VILL: variants seen among roughly 807,000 people sequenced by gnomAD.
VILL encodes villin like.
In VILL, 102 loss-of-function variants were observed where a neutral mutation model predicts 106.3. The ratio of observed to expected loss-of-function variants is 0.96; its 90% CI spans 0.82 to 1.13. The LOEUF (loss-of-function observed/expected upper bound fraction) is 1.13, where lower values mean the gene tolerates loss of function less well. Ranked by LOEUF, VILL falls within the 50% of genes most tolerant of loss-of-function variation. The pLI, the probability that VILL is intolerant of heterozygous loss-of-function variation, is 0.00. For synonymous variants in VILL, 431 were observed against 440.3 expected, an observed-to-expected ratio of 0.98 and a Z score of 0.27; for missense variants, 1,076 against 1,116.6, an observed-to-expected ratio of 0.96 and a Z score of 0.52.
intron 4 of VILL, among the ~76,000 whole-genome samples, chr3:37,995,348 C>G (rs1011258446): frequency 2.6e-5 from 4 of 152,252 alleles, no homozygotes; most frequent in Non-Finnish European, 5.9e-5. Flanking sequence ...ACACACCACC[C>G]TCATGTATGT....
chr3:37,999,413 G>T lies in VILL; in HGVS notation c.1156G>T (p.Val386Leu). 6.7e-7 allele frequency: 1 copy of T among 1,490,836 alleles called. No individual in the cohort carries two copies. Among genetic ancestry groups the T allele is most frequent in the Non-Finnish European group, 8.9e-7 (1 of 1,123,726 alleles). 92.4% of individuals were successfully genotyped at this position (1,490,836 alleles called of 1,614,324 possible). A position where few individuals can be genotyped will look rare whatever the true frequency, so the allele number is the denominator to read the frequency against. Residue 386 changes from valine (V) to leucine (L), a missense_variant, in exon 11 of 20, where the codon GTG becomes TTG. Coordinates refer to ENST00000383759, the MANE Select transcript of VILL (RefSeq NM_015873.4). Reference sequence around the variant, plus strand: ...TAAGTTAGCGGCCCAGCTCAGGATGGTGGACGACGGCTCTGGGAAGGTGGA... The same window carrying T: ...TAAGTTAGCGGCCCAGCTCAGGATGTTGGACGACGGCTCTGGGAAGGTGGA... ...QPKLAAQLRMVDDGSGKVEVW... is the reference protein window; with the variant it reads ...QPKLAAQLRMLDDGSGKVEVW...
Position 37,995,753 on chromosome 3 carries a change from G to T in VILL, c.356G>T (p.Gly119Val). The T allele has an allele frequency of 6.2e-7, 1 of 1,613,782 alleles. No homozygotes were observed. The highest frequency in any genetic ancestry group is 8.5e-7 in the Non-Finnish European group (1 of 1,179,752). ...FRPGIIYRKGGLASDLKHVET... is the reference protein window; with the variant it reads ...FRPGIIYRKGVLASDLKHVET... ...TCCCACCTCAGCTACAGGAAGGGAG[G>T]CCTAGCATCTGACCTCAAGCATGTG... is the stretch of plus-strand genomic sequence containing the variant. Residue 119 changes from glycine (G) to valine (V), a missense_variant, in exon 5 of 20, where the codon GGC becomes GTC. Gly to Val is a moderately radical substitution (Grantham distance 109). Transcript: ENST00000383759.
Position 38,007,033 on chromosome 3 carries a change from A to C in VILL, c.2549A>C (p.Lys850Thr). The stretch of plus-strand genomic sequence containing the variant: ...GCCACGTGGAGGCAGCGGCAGGAGA[A>C]AAAGCAGCTGGGCTTCTTCTGAACC... Reference protein sequence around the residue: ...SMATWRQRQEKKQLGFF With the variant: ...SMATWRQRQETKQLGFF Residue 850 changes from lysine (K) to threonine (T), a missense_variant, in exon 20 of 20, where the codon AAA becomes ACA. Transcript: ENST00000383759. 6.2e-7 allele frequency: 1 copy of C among 1,614,112 alleles called. No individual in the cohort carries two copies. Among genetic ancestry groups the C allele is most frequent in the Non-Finnish European group, 8.5e-7 (1 of 1,180,010 alleles).
upstream of VILL, among the ~76,000 whole-genome samples, chr3:37,990,327 T>C (rs1699593891): frequency 6.6e-6 from 1 of 152,152 alleles, no homozygotes; most frequent in African/African-American, 2.4e-5. This position sits in a 1 kb window ranked among gnomAD's most constrained non-coding sequence, Gnocchi z 5.1. Context: ...CCTGACCACC[T>C]TCCCCTCCTG....
intron 17 of VILL, 96 bp downstream of exon 17, chr3:38,006,070 GA>G: frequency 6.3e-7 from 1 of 1,592,174 alleles, no homozygotes; most frequent in East Asian, 2.2e-5. Flanking sequence ...CCTGGCTGGG[GA>G]TTGCCAGTGT....
Position 37,998,869 on chromosome 3 carries a change from T to G in VILL, c.943-43T>G. ...GTCCCCAGGAGCGGCAGTGGGGCAGTGGACTCTCAGGGTCGCAGGACTGAC... is the reference window on the plus strand; with the variant it reads ...GTCCCCAGGAGCGGCAGTGGGGCAGGGGACTCTCAGGGTCGCAGGACTGAC... On this transcript the variant is annotated intron_variant, in intron 9 of 19. Coordinates refer to ENST00000383759, the MANE Select transcript of VILL (RefSeq NM_015873.4). This position sits in a 1 kb window ranked among gnomAD's most constrained non-coding sequence, Gnocchi z 4.1. 1.3e-6 allele frequency: 2 copies of G among 1,566,706 alleles called. No individual in the cohort carries two copies.
At chr3:38,006,910 A>G (rs752749734) in intron 19 of VILL, 32 bp from the exon 20 acceptor site, 1 of 1,590,784 alleles carries the variant, frequency 6.3e-7, no homozygotes, top group African/African-American at 1.3e-5. Context: ...ATGACACCCT[A>G]CCCTGTACCT....
intron 1 of VILL, among the ~76,000 whole-genome samples, chr3:37,991,984 G>T (rs1374512953): frequency 6.6e-6 from 1 of 152,142 alleles, no homozygotes; most frequent in Non-Finnish European, 1.5e-5. Flanking sequence ...GGCTCTACGG[G>T]CTGGGGCTGG....
intron 16 of VILL, among the ~76,000 whole-genome samples, chr3:38,004,844 G>A (rs142668176): frequency 1.6e-4 from 24 of 152,348 alleles, no homozygotes; most frequent in African/African-American, 4.6e-4. Context: ...GTGAGGTCAC[G>A]TGATGCTAGA....
In VILL at chr3:37,995,734, C is replaced by T. The variant is rs1699689696; in HGVS notation, c.342-5C>T. ...GTATATACCCTCCTGCTATTCCCACCTCAGCTACAGGAAGGGAGGCCTAGC... is the reference window on the plus strand; with the variant it reads ...GTATATACCCTCCTGCTATTCCCACTTCAGCTACAGGAAGGGAGGCCTAGC... On this transcript the variant is annotated splice_polypyrimidine_tract_variant and splice_region_variant and intron_variant, in intron 4 of 19. Transcript: ENST00000383759. 1 of 1,612,188 alleles carries T rather than the reference C, an allele frequency of 6.2e-7. No homozygotes were observed. Among genetic ancestry groups the T allele is most frequent in the African/African-American group, 1.3e-5 (1 of 74,910 alleles).
intron 17 of VILL, 76 bp downstream of exon 17, chr3:38,006,050 G>A: frequency 6.3e-7 from 1 of 1,590,110 alleles, no homozygotes; most frequent in Non-Finnish European, 8.6e-7. Flanking sequence ...ATGGAATGAG[G>A]AGGCACTGCC....
At position 38,004,264 on chromosome 3, in the gene VILL, G is replaced by A. The variant is rs201001246; in HGVS notation, c.1815G>A (p.Glu605=). 511 of 1,611,638 alleles carry A rather than the reference G, an allele frequency of 3.2e-4. No individual in the cohort carries two copies. The highest frequency in any genetic ancestry group is 4.1e-4 in the Non-Finnish European group (478 of 1,177,986). ...TGTCCGTGCTGGCCAGGCTCCCTGAGGAGGTCCCCAGCTTCCAGCCACGAC... is the reference window on the plus strand; with the variant it reads ...TGTCCGTGCTGGCCAGGCTCCCTGAAGAGGTCCCCAGCTTCCAGCCACGAC... The part of the protein sequence containing the change: ...APYPSNKRLP[E]EVPSFQPRLF... The change falls in exon 16 of 20, where the codon GAG becomes GAA. Residue 605 remains glutamate (E), a synonymous_variant. Coordinates refer to ENST00000383759, the MANE Select transcript of VILL (RefSeq NM_015873.4).
At position 37,998,766 on chromosome 3, in the gene VILL, G is replaced by A; in HGVS notation, c.943-146G>A. On this transcript the variant is annotated intron_variant, in intron 9 of 19. Coordinates refer to ENST00000383759, the MANE Select transcript of VILL (RefSeq NM_015873.4). The surrounding 1 kb of genome is among the most constrained non-coding windows in gnomAD (Gnocchi z 4.1). The stretch of plus-strand genomic sequence containing the variant: ...CAGGGACCTCAGAGAAGTCGGTGGT[G>A]ACAGAGTCAATTCGCTAAGTGGGTC... The A allele has an allele frequency of 7.2e-7, 1 of 1,383,208 alleles. No individual in the cohort carries two copies. Among genetic ancestry groups the A allele is most frequent in the Admixed American group, 2.9e-5 (1 of 34,920 alleles). The allele number at this position is 1,383,208 out of a possible 1,614,324, so 85.7% of individuals were successfully genotyped here. A position where few individuals can be genotyped will look rare whatever the true frequency, so the allele number is the denominator to read the frequency against.
At position 38,001,797 on chromosome 3, in the gene VILL, G is replaced by A. The variant is rs1253974191; in HGVS notation, c.1416G>A (p.Val472=). The A allele has an allele frequency of 1.2e-6, 2 of 1,614,090 alleles. No individual in the cohort carries two copies. Among genetic ancestry groups the A allele is most frequent in the Non-Finnish European group, 1.7e-6 (2 of 1,180,030 alleles). The change falls in exon 13 of 20, where the codon GTG becomes GTA. Residue 472 remains valine, a synonymous_variant. Transcript: ENST00000383759. ...GTGGCGTCCTAGTACAGGAGCATGT[G>A]ACCATGGGCAGCGAGCCCCCCCACT... The part of the protein sequence containing the change: ...MYGGVLVQEH[V]TMGSEPPHFL...
At chr3:37,991,901 C>T (rs1315575765) in intron 1 of VILL, among the ~76,000 whole-genome samples, 2 of 152,088 alleles carry the variant, frequency 1.3e-5, no homozygotes, top group East Asian at 1.9e-4. Flanking sequence ...CCATTCCTCC[C>T]TGGAGTCCAG....
intron 19 of VILL, 21 bp downstream of exon 19, chr3:38,006,721 C>A (rs1388089607): frequency 1.3e-6 from 2 of 1,587,990 alleles, no homozygotes; most frequent in Non-Finnish European, 1.7e-6. Context: ...CCTCACTGCC[C>A]CAGCACTAGT....
Position 38,001,474 on chromosome 3 carries a change from T to A in VILL, c.1201T>A (p.Leu401Ile). Residue 401 changes from leucine to isoleucine, a missense_variant, in exon 12 of 20, where the codon TTA (leucine) becomes ATA (isoleucine). Transcript: ENST00000383759. ...TCCCCAGGTGTGGTGCATCCAGGAC[T>A]TACACAGGCAGCCCGTGGACCCCAA... ...GKVEVWCIQD[L>I]HRQPVDPKRH... The A allele has an allele frequency of 1.2e-6, 2 of 1,614,184 alleles. No individual in the cohort carries two copies. Among genetic ancestry groups the A allele is most frequent in the East Asian group, 2.2e-5 (1 of 44,896 alleles).
In VILL at chr3:38,007,012, C is replaced by G. The variant is rs140326700; in HGVS notation, c.2528C>G (p.Thr843Arg). The change falls in exon 20 of 20, where the codon ACG becomes AGG. Residue 843 changes from threonine (T) to arginine (R), a missense_variant. Transcript: ENST00000383759. ...AAGGAGGAATTCTACAGCATGGCCA[C>G]GTGGAGGCAGCGGCAGGAGAAAAAG... The part of the protein sequence containing the change: ...KSKEEFYSMA[T>R]WRQRQEKKQL... 1 of 1,614,124 alleles carries G rather than the reference C, an allele frequency of 6.2e-7. No homozygotes were observed. The highest frequency in any genetic ancestry group is 1.1e-5 in the South Asian group (1 of 91,082).
At chr3:37,996,755 T>G (rs1480310505) in intron 5 of VILL, among the ~76,000 whole-genome samples, 1 of 152,244 alleles carries the variant, frequency 6.6e-6, no homozygotes, top group Non-Finnish European at 1.5e-5. Flanking sequence ...CCATAGGTAT[T>G]CACTGTCACC....
Sources: allele counts gnomAD v4.1 joint callset (sites outside exome capture counted in the v4.1 genomes callset), GRCh38; gene constraint gnomAD v4.1.1; non-coding constraint Gnocchi (gnomAD v3.1); transcripts MANE v1.5; gene names NCBI Gene and HGNC (gene_info 2026-07-23, HGNC 2026-07-21).